GRID2IP: variants seen among roughly 807,000 people sequenced by gnomAD.
GRID2IP encodes delphilin.
Under a neutral mutation model 114.3 loss-of-function variants are expected in GRID2IP, and 78 were observed. The ratio of observed to expected loss-of-function variants is 0.68; its 90% CI spans 0.57 to 0.82. The LOEUF is 0.82. GRID2IP is among the 40% of genes least tolerant of loss of function. GRID2IP has a pLI of 0.00. For missense variants in GRID2IP, 1,727 were observed against 1,678.5 expected, an observed-to-expected ratio of 1.03 and a Z score of -0.51; for synonymous variants, 809 against 724.0, an observed-to-expected ratio of 1.12 and a Z score of -1.89.
chr7:6,499,246 A>T (rs1016109083), intron 20 of GRID2IP, among the ~76,000 whole-genome samples: 1 of 152,182 alleles, frequency 6.6e-6, no homozygotes, highest in African/African-American at 2.4e-5. Flanking sequence ...CCAGGGTCAC[A>T]TCAATTAATG....
chr7:6,536,775 T>A lies in GRID2IP; in HGVS notation c.584+2943A>T, dbSNP rs1779731489. 16 of 701,444 alleles carry A rather than the reference T, an allele frequency of 2.3e-5. No individual in the cohort carries two copies. In the South Asian group the frequency reaches 2.4e-4, roughly 10 times the overall value. 43.5% of individuals were successfully genotyped at this position (701,444 alleles called of 1,614,324 possible). On this transcript the variant is annotated intron_variant, in intron 2 of 21. Transcript: ENST00000457091. The surrounding 1 kb of genome is among the most constrained non-coding windows in gnomAD (Gnocchi z 5.3). The stretch of plus-strand genomic sequence containing the variant: ...GCAAATTCGGCTCTAGAAATAACTT[T>A]TTTCCTTTTTTCCCCTCTTCTGATT...
At chr7:6,550,818 A>G (rs1403891206) in intron 1 of GRID2IP, among the ~76,000 whole-genome samples, 190 bp downstream of exon 1, 1 of 150,886 alleles carries the variant, frequency 6.6e-6, no homozygotes, top group Non-Finnish European at 1.5e-5. Flanking sequence ...ACAGAGCGAG[A>G]CTCTGTCTCA....
Position 6,510,287 on chromosome 7 carries a change from G to C in GRID2IP, c.1767C>G (p.Thr589=), listed in dbSNP as rs1313182088. 6.5e-7 allele frequency: 1 copy of C among 1,538,300 alleles called. No individual in the cohort carries two copies. Among genetic ancestry groups the C allele is most frequent in the East Asian group, 2.5e-5 (1 of 40,746 alleles). ...ASPPGPSPAV[T]TGPRTLSGVS... is the part of the protein sequence containing the mutation. The stretch of plus-strand genomic sequence containing the variant: ...TGACAGAGGCTGGAGCCCTACCTGT[G>C]GTGACTGCTGGGCTGGGGCCTGGAG... Residue 589 remains threonine (T), a synonymous_variant, in exon 11 of 22, where the codon ACC becomes ACG. Coordinates refer to ENST00000457091, the MANE Select transcript of GRID2IP (RefSeq NM_001145118.2).
At chr7:6,539,986 G>A in intron 1 of GRID2IP, 114 bp from the exon 2 acceptor site, 2 of 875,068 alleles carry the variant, frequency 2.3e-6, no homozygotes, top group Non-Finnish European at 1.8e-6. Context: ...GCTGACGTGG[G>A]CGTACCACCT....
chr7:6,527,128 G>C (rs745904030), intron 2 of GRID2IP, among the ~76,000 whole-genome samples: 20 of 152,114 alleles, frequency 1.3e-4, no homozygotes, highest in Non-Finnish European at 2.5e-4. Context: ...GCACCCGCCA[G>C]GCCAAGCCCT....
intron 7 of GRID2IP, among the ~76,000 whole-genome samples, chr7:6,518,805 GAATTTGGCTTTAGTTAT>G (rs1161373445): frequency 6.6e-6 from 1 of 152,114 alleles, no homozygotes; most frequent in Non-Finnish European, 1.5e-5. Context: ...TGATCTAAAG[GAATTTGGCTTTAGTTAT>G]AATCAATGTA....
At position 6,509,079 on chromosome 7, in the gene GRID2IP, G is replaced by A. The variant is rs564137288; in HGVS notation, c.2006C>T (p.Thr669Ile). The A allele has an allele frequency of 2.8e-6, 4 of 1,431,708 alleles. No individual in the cohort carries two copies. The highest frequency in any genetic ancestry group is 2.7e-5 in the East Asian group (1 of 37,386). The allele number at this position is 1,431,708 out of a possible 1,614,324, so 88.7% of individuals were successfully genotyped here. A position where few individuals can be genotyped will look rare whatever the true frequency, so the allele number is the denominator to read the frequency against. Residue 669 changes from threonine (T) to isoleucine (I), a missense_variant, in exon 12 of 22, where the codon ACC (threonine) becomes ATC (isoleucine). Coordinates refer to ENST00000457091, the MANE Select transcript of GRID2IP (RefSeq NM_001145118.2). The surrounding 1 kb of genome is among the most constrained non-coding windows in gnomAD (Gnocchi z 4.9). ...TRPPSRRKLFTFSHPVRSRDT... is the reference protein window; with the variant it reads ...TRPPSRRKLFIFSHPVRSRDT... ...GCGGCTTCGCACAGGGTGGGAGAAG[G>A]TGAAGAGCTTCCTGCGGCTGGGCGG...
chr7:6,543,404 A>T (rs1779842247), intron 1 of GRID2IP, among the ~76,000 whole-genome samples: 1 of 151,684 alleles, frequency 6.6e-6, no homozygotes, highest in African/African-American at 2.4e-5. Flanking sequence ...TCAAAAAAAA[A>T]AAAAGCCCCC....
intron 1 of GRID2IP, among the ~76,000 whole-genome samples, chr7:6,546,787 C>T (rs1374168581): frequency 6.6e-6 from 1 of 152,004 alleles, no homozygotes; most frequent in East Asian, 1.9e-4. Context: ...GCTGCCCAGC[C>T]CTGCTCCTGG....
chr7:6,535,538 C>T lies in GRID2IP; in HGVS notation c.584+4180G>A, dbSNP rs551941544. Among the ~76,000 whole-genome samples, 341 of 152,156 alleles carry T rather than the reference C, an allele frequency of 2.2e-3. 1 individual carries two copies. Among genetic ancestry groups the T allele is most frequent in the African/African-American group, 7.7e-3 (320 of 41,520 alleles). On this transcript the variant is annotated intron_variant, in intron 2 of 21. Coordinates refer to ENST00000457091, the MANE Select transcript of GRID2IP (RefSeq NM_001145118.2). The stretch of plus-strand genomic sequence containing the variant: ...CACACACACGTGTATATTTTTTTGC[C>T]TACCACCCTTTGGCTGTTCAACCTC...
intron 1 of GRID2IP, among the ~76,000 whole-genome samples, chr7:6,548,356 A>C (rs1779918264): frequency 6.6e-6 from 1 of 152,052 alleles, no homozygotes; most frequent in Non-Finnish European, 1.5e-5. Flanking sequence ...GCTCCAAAAA[A>C]AATAAATACA....
Position 6,497,965 on chromosome 7 carries a change from G to A in GRID2IP, c.3564+99C>T, listed in dbSNP as rs565855100. 89 of 1,415,064 alleles carry A rather than the reference G, an allele frequency of 6.3e-5. 1 individual carries two copies. In the South Asian group the frequency reaches 9.0e-4, roughly 14 times the overall value. The allele number at this position is 1,415,064 out of a possible 1,614,324, so 87.7% of individuals were successfully genotyped here. A position where few individuals can be genotyped will look rare whatever the true frequency, so the allele number is the denominator to read the frequency against. Reference sequence around the variant, plus strand: ...GGTTAGGGGGACATGTCGCTCACTGGAGCCCCTTTCCCAGCCCTGGCTTCA... The same window carrying A: ...GGTTAGGGGGACATGTCGCTCACTGAAGCCCCTTTCCCAGCCCTGGCTTCA... On this transcript the variant is annotated intron_variant, in intron 21 of 21. Transcript: ENST00000457091.
In GRID2IP at chr7:6,509,784, C is replaced by T. The variant is rs146812738; in HGVS notation, c.1772-471G>A. On this transcript the variant is annotated intron_variant, in intron 11 of 21. Coordinates refer to ENST00000457091, the MANE Select transcript of GRID2IP (RefSeq NM_001145118.2). This position sits in a 1 kb window ranked among gnomAD's most constrained non-coding sequence, Gnocchi z 4.9. ...TTGCACTTGATCATTTATCCAATAA[C>T]CACTTGCTAACTCGGGGACTTCCTC... Among the ~76,000 whole-genome samples the T allele has an allele frequency of 4.3e-3, 659 of 152,324 alleles. 3 individuals are homozygous for T. Among genetic ancestry groups the T allele is most frequent in the African/African-American group, 0.015 (638 of 41,576 alleles).
intron 20 of GRID2IP, among the ~76,000 whole-genome samples, chr7:6,500,134 C>T (rs1317604324): frequency 1.3e-5 from 2 of 152,088 alleles, no homozygotes; most frequent in Non-Finnish European, 2.9e-5. Flanking sequence ...AGTGGACTAA[C>T]CCTTACCTAA....
rs1351686860 is a variant in GRID2IP at position 6,538,290 on chromosome 7, C to G, written c.584+1428G>C. Among the ~76,000 whole-genome samples the G allele has an allele frequency of 2.0e-5, 3 of 152,328 alleles. No individual in the cohort carries two copies. In the East Asian group the frequency reaches 5.8e-4, roughly 29 times the overall value. ...CTGTGGCAGGAGGATCACTTGAGCCCAGGAGTTGGAGGCTGCAGTGAGCCA... is the reference window on the plus strand; with the variant it reads ...CTGTGGCAGGAGGATCACTTGAGCCGAGGAGTTGGAGGCTGCAGTGAGCCA... On this transcript the variant is annotated intron_variant, in intron 2 of 21. Transcript: ENST00000457091.
At position 6,508,191 on chromosome 7, in the gene GRID2IP, G is replaced by A; in HGVS notation, c.2338C>T (p.Pro780Ser). The change falls in exon 13 of 22, where the codon CCT becomes TCT. Residue 780 changes from proline (P) to serine (S), a missense_variant. Pro to Ser is a moderately conservative substitution (Grantham distance 74). Coordinates refer to ENST00000457091, the MANE Select transcript of GRID2IP (RefSeq NM_001145118.2). The surrounding 1 kb of genome is among the most constrained non-coding windows in gnomAD (Gnocchi z 5.6). ...SSRSSDGSRG[P>S]AQALAKPLTQ... ...AGGGGCTTGGCCAGCGCCTGAGCAG[G>A]GCCCCGGGAACCATCAGAGCTGCGG... The A allele has an allele frequency of 6.6e-7, 1 of 1,513,530 alleles. No individual in the cohort carries two copies. Among genetic ancestry groups the A allele is most frequent in the Non-Finnish European group, 8.8e-7 (1 of 1,130,426 alleles). 93.8% of individuals were successfully genotyped at this position (1,513,530 alleles called of 1,614,324 possible).
In GRID2IP at chr7:6,551,229, G is replaced by C. The variant is rs544688737; in HGVS notation, c.208C>G (p.Arg70Gly). The change falls in exon 1 of 22, where the codon CGG (arginine) becomes GGG (glycine). Residue 70 changes from arginine (R) to glycine (G), a missense_variant. Transcript: ENST00000457091. ...LSRERLVRLA[R>G]RCPRVPPSLG... is the part of the protein sequence containing the mutation. Reference sequence around the variant, plus strand: ...CTGGGCGGCACACGTGGGCAGCGCCGTGCCAGGCGCACGAGGCGCTCGCGG... The same window carrying C: ...CTGGGCGGCACACGTGGGCAGCGCCCTGCCAGGCGCACGAGGCGCTCGCGG... 4 of 1,526,716 alleles carry C rather than the reference G, an allele frequency of 2.6e-6. No individual in the cohort carries two copies. In the African/African-American group the frequency reaches 5.5e-5, roughly 21 times the overall value. 94.6% of individuals were successfully genotyped at this position (1,526,716 alleles called of 1,614,324 possible). A position where few individuals can be genotyped will look rare whatever the true frequency, so the allele number is the denominator to read the frequency against.
chr7:6,526,556 C>T lies in GRID2IP; in HGVS notation c.798G>A (p.Leu266=). ...CCCCGGGGCCGGCGAGGCCGCCCAC[C>T]AGCAAGGAGGCCCTGCGCGGGGGCG... ...DEPPPRRASL[L]VGGLAGPGGA... The change falls in exon 3 of 22, where the codon CTG becomes CTA. Residue 266 remains leucine (L), a synonymous_variant. Coordinates refer to ENST00000457091, the MANE Select transcript of GRID2IP (RefSeq NM_001145118.2). This position sits in a 1 kb window ranked among gnomAD's most constrained non-coding sequence, Gnocchi z 7.6. The T allele has an allele frequency of 8.2e-7, 1 of 1,218,090 alleles. No individual in the cohort carries two copies. 75.5% of individuals were successfully genotyped at this position (1,218,090 alleles called of 1,614,324 possible).
chr7:6,522,945 A>T (rs539237316), intron 4 of GRID2IP, among the ~76,000 whole-genome samples: 14 of 152,066 alleles, frequency 9.2e-5, no homozygotes, highest in African/African-American at 3.1e-4. Flanking sequence ...GATTACAGAC[A>T]TGAGCTACCA....
Sources: allele counts gnomAD v4.1 joint callset (sites outside exome capture counted in the v4.1 genomes callset), GRCh38; gene constraint gnomAD v4.1.1; non-coding constraint Gnocchi (gnomAD v3.1); transcripts MANE v1.5; gene names NCBI Gene and HGNC (gene_info 2026-07-23, HGNC 2026-07-21).